OPCML: variants seen among roughly 807,000 people sequenced by gnomAD.
The protein encoded by OPCML is opioid-binding protein/cell adhesion molecule.
OPCML carries 13 observed loss-of-function variants against 37.8 expected under a neutral mutation model. The ratio of observed to expected loss-of-function variants is 0.34; its 90% CI spans 0.22 to 0.55. The LOEUF (loss-of-function observed/expected upper bound fraction) is 0.55, where lower values mean the gene tolerates loss of function less well. Ranked by LOEUF, OPCML falls within the 20% of genes least tolerant of loss-of-function variation. The pLI is 0.91. For synonymous variants in OPCML, 176 were observed against 168.8 expected, an observed-to-expected ratio of 1.04 and a Z score of -0.33; for missense variants, 341 against 435.6, an observed-to-expected ratio of 0.78 and a Z score of 1.93.
intron 1 of OPCML, among the ~76,000 whole-genome samples, chr11:133,336,049 G>A (rs1050377306): frequency 6.6e-6 from 1 of 152,150 alleles, no homozygotes; most frequent in Non-Finnish European, 1.5e-5. Context: ...GAAACTAGAG[G>A]GCCAGGTTAG....
intron 2 of OPCML, among the ~76,000 whole-genome samples, chr11:132,844,708 G>A (rs1271213287): frequency 6.6e-6 from 1 of 152,048 alleles, no homozygotes; most frequent in Non-Finnish European, 1.5e-5. Context: ...ACCTGCCATC[G>A]TAGCATGAAA....
intron 2 of OPCML, among the ~76,000 whole-genome samples, chr11:132,665,257 A>G (rs1942168424): frequency 6.6e-6 from 1 of 152,208 alleles, no homozygotes; most frequent in South Asian, 2.1e-4. Context: ...GCAGAAAATC[A>G]GCCACTGGAT....
chr11:132,853,275 T>C (rs989833646), intron 2 of OPCML, among the ~76,000 whole-genome samples: 5 of 152,172 alleles, frequency 3.3e-5, no homozygotes, highest in African/African-American at 1.2e-4. Flanking sequence ...ATTTAAAGAA[T>C]TTTCAGATGA....
intron 3 of OPCML, among the ~76,000 whole-genome samples, chr11:132,575,693 G>T (rs972617074): frequency 4.0e-5 from 6 of 151,806 alleles, no homozygotes; most frequent in Non-Finnish European, 8.8e-5. Context: ...ACAGTATTCT[G>T]TATGTTTACA....
intron 1 of OPCML, among the ~76,000 whole-genome samples, chr11:133,329,542 C>T (rs1460749367): frequency 2.6e-5 from 4 of 152,132 alleles, no homozygotes; most frequent in East Asian, 1.9e-4. Flanking sequence ...TATCTACAAC[C>T]ATCTGATCTT....
intron 4 of OPCML, among the ~76,000 whole-genome samples, chr11:132,505,837 C>T (rs972287235): frequency 2.0e-5 from 3 of 151,164 alleles, no homozygotes; most frequent in African/African-American, 4.9e-5. Flanking sequence ...TTCCTTAGAA[C>T]GAGCTACAAC....
intron 3 of OPCML, among the ~76,000 whole-genome samples, chr11:132,536,504 CTAT>C (rs1272547884): frequency 6.6e-6 from 1 of 152,066 alleles, no homozygotes; most frequent in African/African-American, 2.4e-5. Flanking sequence ...GCTTAAAAAT[CTAT>C]TATTATTGTT....
At chr11:132,450,996 G>A in intron 4 of OPCML, among the ~76,000 whole-genome samples, 1 of 152,124 alleles carries the variant, frequency 6.6e-6, no homozygotes, top group East Asian at 1.9e-4. Context: ...ATGGGTGTGT[G>A]TATGTGTGTA....
chr11:133,323,218 TG>T (rs1191866046), intron 1 of OPCML, among the ~76,000 whole-genome samples: 1 of 152,158 alleles, frequency 6.6e-6, no homozygotes, highest in Non-Finnish European at 1.5e-5. Flanking sequence ...ACAGTCCACA[TG>T]AGGGTATCTG....
chr11:132,489,650 C>T (rs56352547), intron 4 of OPCML, among the ~76,000 whole-genome samples: 5,587 of 152,056 alleles, frequency 0.037, 329 homozygotes, highest in African/African-American at 0.12. Context: ...GACCACCGTT[C>T]TGTCTGTGGC....
At chr11:132,480,338 G>C (rs1454288027) in intron 4 of OPCML, among the ~76,000 whole-genome samples, 2 of 152,132 alleles carry the variant, frequency 1.3e-5, no homozygotes, top group African/African-American at 4.8e-5. Flanking sequence ...AAAAAGAAAC[G>C]AGTAAAGCCT....
Position 132,673,417 on chromosome 11 carries a change from C to T in OPCML, c.147-16098G>A, listed in dbSNP as rs139919614. On this transcript the variant is annotated intron_variant, in intron 2 of 7. Transcript: ENST00000524381. Reference sequence around the variant, plus strand: ...AGTGTCTCTATGACTGTCCTCAAAACGCAAGGGAGAAACCAAGTGAGAGGA... The same window carrying T: ...AGTGTCTCTATGACTGTCCTCAAAATGCAAGGGAGAAACCAAGTGAGAGGA... Among the ~76,000 whole-genome samples, 658 of 152,140 alleles carry T rather than the reference C, an allele frequency of 4.3e-3. 7 individuals are homozygous for T. Among genetic ancestry groups the T allele is most frequent in the African/African-American group, 0.014 (571 of 41,518 alleles).
chr11:133,180,421 CCCTTT>C (rs1937769304), intron 1 of OPCML, among the ~76,000 whole-genome samples: 1 of 152,176 alleles, frequency 6.6e-6, no homozygotes. Flanking sequence ...GAACCTCCCT[CCCTTT>C]CATCACCACT....
chr11:132,901,114 A>C (rs1157138740), intron 2 of OPCML, among the ~76,000 whole-genome samples: 2 of 152,088 alleles, frequency 1.3e-5, no homozygotes, highest in Admixed American at 6.6e-5. Flanking sequence ...CGGGAGGCGG[A>C]GGTTACAGGG....
At chr11:132,716,042 C>A (rs1944462762) in intron 2 of OPCML, among the ~76,000 whole-genome samples, 1 of 152,198 alleles carries the variant, frequency 6.6e-6, no homozygotes, top group Non-Finnish European at 1.5e-5. Flanking sequence ...GAGAATTCAG[C>A]ACAAGATATA....
chr11:133,171,990 A>G (rs1950294540), intron 1 of OPCML, among the ~76,000 whole-genome samples: 1 of 152,218 alleles, frequency 6.6e-6, no homozygotes, highest in Non-Finnish European at 1.5e-5. Flanking sequence ...CATGTGAATC[A>G]TGGAGGCTGC....
chr11:133,466,113 C>T (rs1238848812), intron 1 of OPCML, among the ~76,000 whole-genome samples: 1 of 152,134 alleles, frequency 6.6e-6, no homozygotes, highest in Non-Finnish European at 1.5e-5. Flanking sequence ...GGCAATCCTG[C>T]CCCTCCCTCT....
intron 2 of OPCML, among the ~76,000 whole-genome samples, chr11:132,900,906 TCCGGGG>T (rs1199080905): frequency 6.6e-6 from 1 of 152,098 alleles, no homozygotes; most frequent in African/African-American, 2.4e-5. Flanking sequence ...AAAGTCTATC[TCCGGGG>T]CCGGGTGCAG....
At chr11:133,009,309 C>A (rs972601504) in intron 1 of OPCML, 23 of 747,544 alleles carry the variant, frequency 3.1e-5, no homozygotes, top group African/African-American at 1.9e-5. Flanking sequence ...GCTAAGGTAA[C>A]AAAACAACAG....
Sources: gnomAD v4.1 joint callset for allele counts (sites outside exome capture counted in the v4.1 genomes callset) on GRCh38, gnomAD v4.1.1 for gene constraint, MANE v1.5 for transcripts, NCBI Gene and HGNC (gene_info 2026-07-23, HGNC 2026-07-21) for gene names.